The following PTPRD variants were observed in gnomAD, a reference collection of about 807,000 sequenced individuals.
PTPRD encodes the protein receptor-type tyrosine-protein phosphatase delta.
PTPRD carries 34 observed loss-of-function variants against 214.5 expected under a neutral mutation model. The observed-to-expected ratio is 0.16, with a 90% CI of 0.12 to 0.21. The LOEUF (loss-of-function observed/expected upper bound fraction) is 0.21, where lower values mean the gene tolerates loss of function less well. Ranked by LOEUF, PTPRD falls within the 10% of genes least tolerant of loss-of-function variation. The probability of loss-of-function intolerance (pLI) is 1.00; values close to 1 mark genes in which losing one functional copy is unlikely to be tolerated. For synonymous variants in PTPRD, 1,128 were observed against 845.7 expected, an observed-to-expected ratio of 1.33 and a Z score of -5.79; for missense variants, 2,545 against 2,398.7, an observed-to-expected ratio of 1.06 and a Z score of -1.27.
chr9:10,117,092 G>C (rs1251091322), intron 3 of PTPRD, among the ~76,000 whole-genome samples: 1 of 151,946 alleles, frequency 6.6e-6, no homozygotes, highest in Non-Finnish European at 1.5e-5. Flanking sequence ...ATCAGAGCAG[G>C]AATTTGTATC....
intron 43 of PTPRD, among the ~76,000 whole-genome samples, chr9:8,337,670 A>ACCGG (rs1848312208): frequency 1.3e-5 from 2 of 152,160 alleles, no homozygotes; most frequent in East Asian, 1.9e-4. Flanking sequence ...TTAAAAAAAA[A>ACCGG]AAGGTGAGCA....
At chr9:9,475,793 T>G (rs546714323) in intron 8 of PTPRD, among the ~76,000 whole-genome samples, 28 of 152,208 alleles carry the variant, frequency 1.8e-4, no homozygotes, top group Non-Finnish European at 3.8e-4. Flanking sequence ...AAGTCTTGTG[T>G]GTGACTTGGC....
At chr9:10,510,377 C>G (rs1257605192) in intron 2 of PTPRD, among the ~76,000 whole-genome samples, 1 of 152,066 alleles carries the variant, frequency 6.6e-6, no homozygotes, top group Non-Finnish European at 1.5e-5. Context: ...TGAAGTTCAC[C>G]ACTACTGTCA....
At chr9:10,564,161 C>T in intron 2 of PTPRD, among the ~76,000 whole-genome samples, 1 of 51,220 alleles carries the variant, frequency 2.0e-5, no homozygotes, top group African/African-American at 7.6e-5. Context: ...CACCACCACA[C>T]TAGGCTATTC....
At chr9:9,255,338 G>T (rs930894236) in intron 9 of PTPRD, among the ~76,000 whole-genome samples, 1 of 151,998 alleles carries the variant, frequency 6.6e-6, no homozygotes, top group African/African-American at 2.4e-5. Context: ...AAAGCCATTT[G>T]CTTCTTAAGG....
intron 12 of PTPRD, among the ~76,000 whole-genome samples, chr9:8,705,875 T>C (rs1415117069): frequency 6.6e-6 from 1 of 152,226 alleles, no homozygotes; most frequent in Non-Finnish European, 1.5e-5. Context: ...TTAAGTGTAT[T>C]TTTCCATGAG....
intron 3 of PTPRD, among the ~76,000 whole-genome samples, chr9:10,161,911 C>T (rs149855442): frequency 5.9e-5 from 9 of 151,632 alleles, no homozygotes; most frequent in Admixed American, 5.9e-4. Context: ...CAAAAGAAAA[C>T]ATACAAATGA....
intron 7 of PTPRD, among the ~76,000 whole-genome samples, chr9:9,691,547 T>C (rs2097271061): frequency 6.6e-6 from 1 of 152,080 alleles, no homozygotes; most frequent in African/African-American, 2.4e-5. Context: ...GAAACTTAAG[T>C]TGCTTTTACA....
chr9:10,115,027 G>C (rs1281827877), intron 3 of PTPRD, among the ~76,000 whole-genome samples: 1 of 145,072 alleles, frequency 6.9e-6, no homozygotes, highest in African/African-American at 2.5e-5. Flanking sequence ...TTACTTATTG[G>C]ATAAGAAAAA....
At chr9:9,033,091 G>C (rs995827685) in intron 10 of PTPRD, among the ~76,000 whole-genome samples, 2 of 152,022 alleles carry the variant, frequency 1.3e-5, no homozygotes, top group Admixed American at 1.3e-4. Flanking sequence ...TGTATGCTGG[G>C]ATGGGCAGCT....
chr9:8,970,337 A>C (rs1567313063), intron 11 of PTPRD, among the ~76,000 whole-genome samples: 1 of 151,938 alleles, frequency 6.6e-6, no homozygotes, highest in Admixed American at 6.6e-5. Context: ...CTTTTCAAAA[A>C]TAGTGAGTTC....
chr9:9,233,319 T>C (rs1365179655), intron 9 of PTPRD, among the ~76,000 whole-genome samples: 1 of 152,026 alleles, frequency 6.6e-6, no homozygotes, highest in Non-Finnish European at 1.5e-5. Flanking sequence ...ATGAGAACAA[T>C]ATGGGGGTAA....
intron 2 of PTPRD, among the ~76,000 whole-genome samples, chr9:10,346,454 A>G (rs2154448615): frequency 6.6e-6 from 1 of 152,342 alleles, no homozygotes; most frequent in Non-Finnish European, 1.5e-5. Flanking sequence ...AAAATTATAT[A>G]AGAATATATG....
At chr9:8,381,919 C>G (rs2085222587) in intron 37 of PTPRD, among the ~76,000 whole-genome samples, 1 of 152,054 alleles carries the variant, frequency 6.6e-6, no homozygotes, top group Admixed American at 6.6e-5. Context: ...TGAGGTGCCT[C>G]TTTCTCGTGG....
intron 36 of PTPRD, among the ~76,000 whole-genome samples, chr9:8,391,930 T>C (rs2089721380): frequency 6.6e-6 from 1 of 152,148 alleles, no homozygotes; most frequent in South Asian, 2.1e-4. Context: ...TTGGGGTTTT[T>C]TGCATACTGC....
chr9:9,518,582 T>A (rs1343585419), intron 8 of PTPRD, among the ~76,000 whole-genome samples: 1 of 152,030 alleles, frequency 6.6e-6, no homozygotes, highest in Non-Finnish European at 1.5e-5. Flanking sequence ...ATTGCAGCAC[T>A]GATTCTCCTG....
chr9:10,186,882 C>T (rs1332780110), intron 3 of PTPRD, among the ~76,000 whole-genome samples: 2 of 151,954 alleles, frequency 1.3e-5, no homozygotes, highest in African/African-American at 4.8e-5. Flanking sequence ...AATTAGGAAA[C>T]CTATTGACTT....
chr9:9,102,182 TG>T (rs2099792299), intron 10 of PTPRD, among the ~76,000 whole-genome samples: 1 of 152,220 alleles, frequency 6.6e-6, no homozygotes, highest in Admixed American at 6.5e-5. Flanking sequence ...ATATGTAGGT[TG>T]TAGCTGCTCC....
chr9:9,085,267 C>T (rs1256826158), intron 10 of PTPRD, among the ~76,000 whole-genome samples: 1 of 152,076 alleles, frequency 6.6e-6, no homozygotes, highest in African/African-American at 2.4e-5. Context: ...TTATAACTAC[C>T]TATTTAGGAT....
Sources: gnomAD v4.1 joint callset for allele counts (sites outside exome capture counted in the v4.1 genomes callset) on GRCh38, gnomAD v4.1.1 for gene constraint, MANE v1.5 for transcripts, NCBI Gene and HGNC (gene_info 2026-07-23, HGNC 2026-07-21) for gene names.